ST3GAL3: variants seen among roughly 807,000 people sequenced by gnomAD.
ST3GAL3 encodes the protein CMP-N-acetylneuraminate-beta-1,4-galactoside alpha-2,3-sialyltransferase.
ST3GAL3 carries 21 observed loss-of-function variants against 50.1 expected under a neutral mutation model. The observed-to-expected ratio is 0.42, with a 90% CI of 0.30 to 0.60. The LOEUF (loss-of-function observed/expected upper bound fraction) is 0.60. ST3GAL3 is among the 20% of genes least tolerant of loss of function. The pLI is 0.19. For synonymous variants in ST3GAL3, 183 were observed against 190.0 expected, an observed-to-expected ratio of 0.96 and a Z score of 0.30; for missense variants, 353 against 489.4, an observed-to-expected ratio of 0.72 and a Z score of 2.63.
At chr1:43,716,532 A>C (rs1667475342) in intron 1 of ST3GAL3, 1 of 152,200 alleles carries the variant, frequency 6.6e-6, no homozygotes, top group Non-Finnish European at 1.5e-5. Context: ...ATGACACACA[A>C]ATTTATGAAG....
At chr1:43,908,352 T>G (rs1251638086) in intron 9 of ST3GAL3, among the ~76,000 whole-genome samples, 2 of 152,180 alleles carry the variant, frequency 1.3e-5, no homozygotes, top group East Asian at 1.9e-4. Context: ...TGGATCCCCA[T>G]TTCCTAGATG....
chr1:43,788,374 G>A (rs566445930), intron 2 of ST3GAL3, among the ~76,000 whole-genome samples: 18 of 152,248 alleles, frequency 1.2e-4, no homozygotes, highest in East Asian at 7.7e-4. Context: ...TTGCTCATCC[G>A]GGCAGTCAGC....
intron 3 of ST3GAL3, among the ~76,000 whole-genome samples, chr1:43,812,074 C>T (rs12133508): frequency 0.39 from 59,531 of 152,034 alleles, 12,066 homozygotes; most frequent in East Asian, 0.59. Context: ...CTTGAGACTG[C>T]TGTGACCAAA....
intron 5 of ST3GAL3, among the ~76,000 whole-genome samples, chr1:43,861,952 C>T (rs537634816): frequency 6.6e-6 from 1 of 151,394 alleles, no homozygotes; most frequent in Non-Finnish European, 1.5e-5. Context: ...CGCTTGAACT[C>T]GGGAGGCGGA....
chr1:43,805,900 T>C (rs1215587668), intron 3 of ST3GAL3, among the ~76,000 whole-genome samples: 1 of 152,106 alleles, frequency 6.6e-6, no homozygotes, highest in Non-Finnish European at 1.5e-5. Flanking sequence ...CACACCCGGC[T>C]AATTTTTGTA....
At chr1:43,813,584 AAGAAGAGGATTT>A (rs1347048872) in intron 3 of ST3GAL3, among the ~76,000 whole-genome samples, 2 of 152,304 alleles carry the variant, frequency 1.3e-5, no homozygotes, top group East Asian at 3.9e-4. Flanking sequence ...CTTCAATTTT[AAGAAGAGGATTT>A]ATTCTCTCTT....
In ST3GAL3 at chr1:43,736,350, C is replaced by G; in HGVS notation, c.88C>G (p.Leu30Val). The change falls in exon 2 of 12, where the codon CTA (leucine) becomes GTA (valine). Residue 30 changes from leucine (L) to valine (V), a missense_variant. Leu to Val is a conservative substitution (Grantham distance 32). Transcript: ENST00000347631. ...ATTTTTGTATTATTCTGCGTGGAAG[C>G]TACACTTACTCCAGTGGGAGGAGGA... ...LGFLYYSAWK[L>V]HLLQWEEDSN... 6.2e-7 allele frequency: 1 copy of G among 1,614,158 alleles called. No individual in the cohort carries two copies. The highest frequency in any genetic ancestry group is 8.5e-7 in the Non-Finnish European group (1 of 1,180,024).
chr1:43,721,448 G>T (rs1391812571), intron 1 of ST3GAL3, among the ~76,000 whole-genome samples: 2 of 151,600 alleles, frequency 1.3e-5, no homozygotes, highest in African/African-American at 2.4e-5. Flanking sequence ...GGGATTATAG[G>T]CGTGTGCCAC....
intron 3 of ST3GAL3, among the ~76,000 whole-genome samples, chr1:43,792,485 C>T (rs2058198626): frequency 6.6e-6 from 1 of 152,196 alleles, no homozygotes; most frequent in Admixed American, 6.5e-5. Context: ...AGACCCCAGG[C>T]TGTGGGAATG....
chr1:43,841,005 A>T (rs2065280356), intron 5 of ST3GAL3: 2 of 152,268 alleles, frequency 1.3e-5, no homozygotes, highest in Non-Finnish European at 2.9e-5. Context: ...GGCAGTCATT[A>T]AATCTTAAAG....
chr1:43,733,691 G>T (rs1162699734), intron 1 of ST3GAL3, among the ~76,000 whole-genome samples: 1 of 152,136 alleles, frequency 6.6e-6, no homozygotes. Flanking sequence ...CCCTTCTTGG[G>T]CCTGAACTCT....
rs1491225671 is a variant in ST3GAL3, at chr1:43,917,604, T to TATATA, written c.745-2799_745-2795dup. The stretch of plus-strand genomic sequence containing the variant: ...TACGTATTATATATAATATATATAT[T>TATATA]ATATATTATATATTATATTATATAT... On this transcript the variant is annotated intron_variant, in intron 9 of 11. Coordinates refer to ENST00000347631, the MANE Select transcript of ST3GAL3 (RefSeq NM_006279.5). Among the ~76,000 whole-genome samples, 5 of 12,520 alleles carry TATATA rather than the reference T, an allele frequency of 4.0e-4. 1 individual carries two copies. Among genetic ancestry groups the TATATA allele is most frequent in the Non-Finnish European group, 1.2e-3 (5 of 4,332 alleles). The allele number at this position is 12,520 out of a possible 152,430, so 8.2% of individuals were successfully genotyped here. A position where few individuals can be genotyped will look rare whatever the true frequency, so the allele number is the denominator to read the frequency against.
Position 43,899,739 on chromosome 1 carries a change from T to C in ST3GAL3, c.744+12T>C, listed in dbSNP as rs200985052. The stretch of plus-strand genomic sequence containing the variant: ...ACAAGGAGAGAGTGGTAAGCTCTCC[T>C]GGCACCAGCTTCTTCCCCTCTTGCC... On this transcript the variant is annotated intron_variant, in intron 9 of 11. Coordinates refer to ENST00000347631, the MANE Select transcript of ST3GAL3 (RefSeq NM_006279.5). The surrounding 1 kb of genome is among the most constrained non-coding windows in gnomAD (Gnocchi z 5.4). The C allele has an allele frequency of 3.1e-6, 5 of 1,613,142 alleles. No individual in the cohort carries two copies. The Admixed American group carries it at 8.3e-5, about 27-fold the overall frequency.
intron 5 of ST3GAL3, among the ~76,000 whole-genome samples, chr1:43,871,401 T>C (rs1034876024): frequency 4.0e-5 from 6 of 151,354 alleles, no homozygotes; most frequent in African/African-American, 1.5e-4. Flanking sequence ...GTTGGACCTG[T>C]GTTAATGGAG....
At chr1:43,709,753 A>G (rs1663635894) in intron 1 of ST3GAL3, among the ~76,000 whole-genome samples, 1 of 152,080 alleles carries the variant, frequency 6.6e-6, no homozygotes, top group Admixed American at 6.5e-5. Flanking sequence ...AGGCTGAGGC[A>G]GGAGAATCGC....
At chr1:43,760,114 T>C (rs950690914) in intron 2 of ST3GAL3, among the ~76,000 whole-genome samples, 13 of 152,204 alleles carry the variant, frequency 8.5e-5, no homozygotes, top group African/African-American at 2.7e-4. Flanking sequence ...TTGAAAGAAA[T>C]GATAGACAAA....
intron 5 of ST3GAL3, among the ~76,000 whole-genome samples, chr1:43,886,292 A>G (rs1271578094): frequency 6.6e-6 from 1 of 152,184 alleles, no homozygotes; most frequent in Non-Finnish European, 1.5e-5. Flanking sequence ...GAGGCAGGAG[A>G]ATCGCTTGAA....
chr1:43,772,404 T>C (rs1317115420), intron 2 of ST3GAL3: 1 of 173,512 alleles, frequency 5.8e-6, no homozygotes, highest in Non-Finnish European at 1.2e-5. Context: ...ATGGACAGAT[T>C]TCCTGGAATC....
intron 11 of ST3GAL3, among the ~76,000 whole-genome samples, chr1:43,928,268 G>A (rs866430506): frequency 2.4e-4 from 37 of 152,286 alleles, no homozygotes; most frequent in African/African-American, 7.5e-4. Flanking sequence ...ACAGGGCACT[G>A]CATCCAGCTC....
Sources: gnomAD v4.1 joint callset for allele counts (sites outside exome capture counted in the v4.1 genomes callset) on GRCh38, gnomAD v4.1.1 for gene constraint, Gnocchi (gnomAD v3.1) non-coding constraint, MANE v1.5 for transcripts, NCBI Gene and HGNC (gene_info 2026-07-23, HGNC 2026-07-21) for gene names.